Variants in PXDNL observed in about 807,000 individuals in gnomAD.
PXDNL encodes the protein peroxidasin like.
Under a neutral mutation model 150.8 loss-of-function variants are expected in PXDNL, and 145 were observed. The observed-to-expected ratio is 0.96, with a 90% CI of 0.84 to 1.10. PXDNL has a LOEUF of 1.10. PXDNL is among the 50% of genes least tolerant of loss of function. The pLI is 0.00. For missense variants in PXDNL, 2,087 were observed against 1,873.9 expected, an observed-to-expected ratio of 1.11 and a Z score of -2.10; for synonymous variants, 757 against 725.7, an observed-to-expected ratio of 1.04 and a Z score of -0.69.
chr8:51,694,339 A>G (rs1237507679), intron 1 of PXDNL, among the ~76,000 whole-genome samples: 1 of 151,008 alleles, frequency 6.6e-6, no homozygotes, highest in African/African-American at 2.4e-5. Context: ...CTCCGGCCTG[A>G]GCAATAGAGC....
intron 1 of PXDNL, among the ~76,000 whole-genome samples, chr8:51,791,358 T>G (rs565443975): frequency 9.1e-4 from 139 of 152,352 alleles, no homozygotes; most frequent in African/African-American, 3.1e-3. Flanking sequence ...TAGTCCAAAT[T>G]GGCCAGGACT....
At chr8:51,532,100 G>GT (rs1433473881) in intron 4 of PXDNL, among the ~76,000 whole-genome samples, 1 of 152,204 alleles carries the variant, frequency 6.6e-6, no homozygotes, top group Non-Finnish European at 1.5e-5. Context: ...CAGAATGCAG[G>GT]TAAGTATGAC....
Position 51,719,083 on chromosome 8 carries a change from C to T in PXDNL, c.165-64323G>A, listed in dbSNP as rs564169379. On this transcript the variant is annotated intron_variant, in intron 1 of 22. Coordinates refer to ENST00000356297, the MANE Select transcript of PXDNL (RefSeq NM_144651.5). The stretch of plus-strand genomic sequence containing the variant: ...GCCACCCCGTCTGGGAGGTGAGGGG[C>T]GCCTCTGCCCGGCCGCCCCTTCTAG... Among the ~76,000 whole-genome samples the T allele has an allele frequency of 7.7e-4, 117 of 151,992 alleles. 1 individual carries two copies. Among genetic ancestry groups the T allele is most frequent in the African/African-American group, 2.2e-3 (93 of 41,516 alleles).
At chr8:51,473,310 C>CACACACACACACACAA (rs1238216161) in intron 7 of PXDNL, among the ~76,000 whole-genome samples, 7 of 151,310 alleles carry the variant, frequency 4.6e-5, no homozygotes, top group Admixed American at 2.6e-4. Context: ...CACACACACA[C>CACACACACACACACAA]AAATACATAT....
chr8:51,600,291 T>TCA (rs1813672049), intron 2 of PXDNL, among the ~76,000 whole-genome samples: 1 of 99,722 alleles, frequency 1.0e-5, no homozygotes, highest in African/African-American at 4.2e-5. Flanking sequence ...AAATTATATC[T>TCA]TATATAAATT....
intron 4 of PXDNL, among the ~76,000 whole-genome samples, chr8:51,537,458 A>T (rs1812104324): frequency 1.3e-5 from 2 of 152,178 alleles, no homozygotes. Context: ...TATAAATTTT[A>T]TTCTCCCCTC....
chr8:51,529,076 C>A (rs117226704), intron 4 of PXDNL, among the ~76,000 whole-genome samples: 5 of 152,064 alleles, frequency 3.3e-5, no homozygotes, highest in African/African-American at 1.2e-4. Context: ...ACATTATGGA[C>A]GATGTCAGGT....
intron 1 of PXDNL, among the ~76,000 whole-genome samples, chr8:51,752,900 G>T (rs1298582978): frequency 6.6e-6 from 1 of 152,150 alleles, no homozygotes; most frequent in African/African-American, 2.4e-5. Flanking sequence ...CATCCATGGG[G>T]CATACCCATG....
chr8:51,498,102 T>C lies in PXDNL; in HGVS notation c.452+1597A>G, dbSNP rs543617057. On this transcript the variant is annotated intron_variant, in intron 5 of 22. Transcript: ENST00000356297. ...TACACCATGGAATACTATGCAGCCATAAAAAGTGATGAGTTCATGTCCTTT... is the reference window on the plus strand; with the variant it reads ...TACACCATGGAATACTATGCAGCCACAAAAAGTGATGAGTTCATGTCCTTT... 6.6e-5 allele frequency among the ~76,000 whole-genome samples: 10 copies of C among 151,882 alleles called. No homozygotes were observed. The East Asian group carries it at 1.7e-3, about 27-fold the overall frequency.
At chr8:51,444,465 GAATT>G (rs1809625100) in intron 12 of PXDNL, among the ~76,000 whole-genome samples, 1 of 152,132 alleles carries the variant, frequency 6.6e-6, no homozygotes, top group Non-Finnish European at 1.5e-5. Context: ...GATATTAAAA[GAATT>G]AATTCAAGAG....
intron 2 of PXDNL, among the ~76,000 whole-genome samples, chr8:51,624,072 G>C (rs1461610813): frequency 8.1e-6 from 1 of 122,962 alleles, no homozygotes; most frequent in Non-Finnish European, 1.6e-5. Flanking sequence ...CAGCCTGGGT[G>C]ACAGGGCAAG....
intron 2 of PXDNL, among the ~76,000 whole-genome samples, chr8:51,608,625 C>G (rs1379234393): frequency 6.7e-6 from 1 of 148,716 alleles, no homozygotes; most frequent in East Asian, 2.0e-4. Context: ...ATCACGAGGT[C>G]AGGAGATCCA....
At chr8:51,776,042 C>A (rs528569257) in intron 1 of PXDNL, among the ~76,000 whole-genome samples, 2 of 152,234 alleles carry the variant, frequency 1.3e-5, no homozygotes, top group East Asian at 3.9e-4. Context: ...GTGTAAGGAA[C>A]GAAATAAGCC....
chr8:51,777,051 G>T (rs919271076), intron 1 of PXDNL, among the ~76,000 whole-genome samples: 1 of 152,126 alleles, frequency 6.6e-6, no homozygotes, highest in African/African-American at 2.4e-5. Flanking sequence ...TAAAAGCAAA[G>T]CAAGTATACA....
intron 1 of PXDNL, among the ~76,000 whole-genome samples, chr8:51,743,951 A>AAG (rs1563306970): frequency 0.013 from 108 of 8,136 alleles, no homozygotes; most frequent in Non-Finnish European, 0.032. Context: ...AGAGAAAGAG[A>AAG]GAAAGAAAAA....
At chr8:51,346,923 C>T (rs1051985290) in intron 19 of PXDNL, among the ~76,000 whole-genome samples, 1 of 151,970 alleles carries the variant, frequency 6.6e-6, no homozygotes, top group African/African-American at 2.4e-5. Context: ...GCAAAAACTG[C>T]CTAATACACT....
In PXDNL at chr8:51,533,830, C is replaced by G. The variant is rs1406584376; in HGVS notation, c.380+23010G>C. Among the ~76,000 whole-genome samples the G allele has an allele frequency of 3.3e-5, 5 of 150,534 alleles. No individual in the cohort carries two copies. The East Asian group carries it at 1.0e-3, about 31-fold the overall frequency. On this transcript the variant is annotated intron_variant, in intron 4 of 22. Transcript: ENST00000356297. ...GGAGTGCAGTGGCGTGATCTCGGCT[C>G]GCTACAACCTCCACCTCCCAGCCGC...
At chr8:51,628,160 CA>C (rs1814401647) in intron 2 of PXDNL, among the ~76,000 whole-genome samples, 1 of 152,082 alleles carries the variant, frequency 6.6e-6, no homozygotes, top group South Asian at 2.1e-4. Context: ...GGACTGAACT[CA>C]GGCTCAGAAA....
Position 51,465,860 on chromosome 8 carries a change from AAGG to A in PXDNL, c.812+6324_812+6326del, listed in dbSNP as rs556518617. Among the ~76,000 whole-genome samples the A allele has an allele frequency of 3.3e-3, 505 of 152,308 alleles. 2 individuals carry two copies. The highest frequency in any genetic ancestry group is 0.011 in the African/African-American group (477 of 41,582). On this transcript the variant is annotated intron_variant, in intron 8 of 22. Transcript: ENST00000356297. ...AACCAAGTAAGTGAAATATTGCTGC[AAGG>A]AGAACTCAAAACATTGTTGAAAGAA...
Sources: gnomAD v4.1 joint callset for allele counts (sites outside exome capture counted in the v4.1 genomes callset) on GRCh38, gnomAD v4.1.1 for gene constraint, MANE v1.5 for transcripts, NCBI Gene and HGNC (gene_info 2026-07-23, HGNC 2026-07-21) for gene names.